Variants in CARMIL1 observed in about 807,000 individuals in gnomAD.
CARMIL1 encodes F-actin-uncapping protein LRRC16A.
CARMIL1 carries 90 observed loss-of-function variants against 177.1 expected under a neutral mutation model. The observed-to-expected ratio is 0.51, with a 90% CI of 0.43 to 0.61. The LOEUF is 0.61. Among genes scored for constraint, CARMIL1 ranks in the 20% least tolerant of loss-of-function variants. The pLI is 0.00. For synonymous variants in CARMIL1, 577 were observed against 606.2 expected, an observed-to-expected ratio of 0.95 and a Z score of 0.71; for missense variants, 1,380 against 1,667.0, an observed-to-expected ratio of 0.83 and a Z score of 3.00.
At chr6:25,294,025 G>C (rs1427693675) in intron 2 of CARMIL1, among the ~76,000 whole-genome samples, 1 of 152,176 alleles carries the variant, frequency 6.6e-6, no homozygotes, top group Non-Finnish European at 1.5e-5. Flanking sequence ...CCCAACCCAA[G>C]GTTTTTCTTT....
At chr6:25,569,069 G>T (rs1477659439) in intron 29 of CARMIL1, among the ~76,000 whole-genome samples, 1 of 152,174 alleles carries the variant, frequency 6.6e-6, no homozygotes, top group African/African-American at 2.4e-5. Flanking sequence ...AGCCACAAAA[G>T]ATTAAAAGCA....
At chr6:25,407,550 A>G (rs12173289) in intron 2 of CARMIL1, among the ~76,000 whole-genome samples, 22,226 of 152,124 alleles carry the variant, frequency 0.15, 2,051 homozygotes, top group East Asian at 0.22. Flanking sequence ...AGGGAAAGTC[A>G]TCTTCCCAGA....
At chr6:25,508,676 T>A (rs1805156994) in intron 17 of CARMIL1, among the ~76,000 whole-genome samples, 1 of 152,256 alleles carries the variant, frequency 6.6e-6, no homozygotes. Flanking sequence ...AATTTGTTGT[T>A]AAACTTTTTA....
intron 3 of CARMIL1, among the ~76,000 whole-genome samples, chr6:25,425,354 C>T (rs913410585): frequency 6.6e-6 from 1 of 152,142 alleles, no homozygotes; most frequent in Non-Finnish European, 1.5e-5. Context: ...TCCCTCCCCA[C>T]TATTAATAAT....
At chr6:25,334,959 C>T (rs1164630218) in intron 2 of CARMIL1, among the ~76,000 whole-genome samples, 3 of 152,204 alleles carry the variant, frequency 2.0e-5, no homozygotes, top group Non-Finnish European at 4.4e-5. Context: ...CCTCTTCTGT[C>T]ATTTCGTCTT....
intron 2 of CARMIL1, among the ~76,000 whole-genome samples, chr6:25,355,823 A>G (rs1458729002): frequency 2.0e-5 from 3 of 152,208 alleles, no homozygotes; most frequent in Non-Finnish European, 4.4e-5. Context: ...AACCATTTTT[A>G]ATTGTGCAGT....
chr6:25,471,311 G>A, intron 10 of CARMIL1, 54 bp downstream of exon 10: 1 of 1,279,104 alleles, frequency 7.8e-7, no homozygotes, highest in Non-Finnish European at 1.1e-6. Context: ...TGTGCCATTT[G>A]CTCTTCTAAT....
intron 2 of CARMIL1, among the ~76,000 whole-genome samples, chr6:25,325,000 C>T (rs1784959816): frequency 6.6e-6 from 1 of 152,068 alleles, no homozygotes; most frequent in Non-Finnish European, 1.5e-5. Flanking sequence ...AGGTCCTGAG[C>T]TTTCTCAGTG....
At chr6:25,590,381 A>G (rs1382795290) in intron 31 of CARMIL1, among the ~76,000 whole-genome samples, 4 of 152,188 alleles carry the variant, frequency 2.6e-5, no homozygotes, top group Non-Finnish European at 5.9e-5. Context: ...GGCTTTGCTA[A>G]TATTTTATGA....
At chr6:25,551,176 A>G in intron 27 of CARMIL1, 91 bp downstream of exon 27, 1 of 949,820 alleles carries the variant, frequency 1.1e-6, no homozygotes, top group Non-Finnish European at 1.6e-6. Flanking sequence ...GGCTGTATCC[A>G]TATATAATGT....
At chr6:25,609,637 C>G (rs1356440138) in intron 35 of CARMIL1, among the ~76,000 whole-genome samples, 1 of 152,206 alleles carries the variant, frequency 6.6e-6, no homozygotes, top group Non-Finnish European at 1.5e-5. Flanking sequence ...CATGCATACA[C>G]ATACACACAT....
chr6:25,470,513 A>T (rs189370007), intron 9 of CARMIL1, among the ~76,000 whole-genome samples: 1 of 152,372 alleles, frequency 6.6e-6, no homozygotes, highest in East Asian at 1.9e-4. Context: ...ATATGTATGC[A>T]TAGCACTACC....
chr6:25,281,136 G>GCGCGCGCACACACACACA (rs10642536), intron 1 of CARMIL1, among the ~76,000 whole-genome samples: 93 of 132,188 alleles, frequency 7.0e-4, no homozygotes, highest in African/African-American at 2.4e-3. Flanking sequence ...GTGCGCGCGC[G>GCGCGCGCACACACACACA]CACACACACA....
intron 11 of CARMIL1, among the ~76,000 whole-genome samples, chr6:25,473,659 G>C (rs980411610): frequency 4.6e-5 from 7 of 152,164 alleles, no homozygotes; most frequent in African/African-American, 1.7e-4. Flanking sequence ...AAATCCACAC[G>C]GAAGTGGACC....
chr6:25,609,635 C>T (rs1275235258), intron 35 of CARMIL1, among the ~76,000 whole-genome samples: 1 of 152,170 alleles, frequency 6.6e-6, no homozygotes, highest in Non-Finnish European at 1.5e-5. Context: ...TGCATGCATA[C>T]ACATACACAC....
At chr6:25,485,726 T>C (rs1424195613) in intron 12 of CARMIL1, among the ~76,000 whole-genome samples, 2 of 152,214 alleles carry the variant, frequency 1.3e-5, no homozygotes, top group African/African-American at 4.8e-5. Flanking sequence ...TGAGCCACCA[T>C]GCCTGGCCTG....
rs1814885319 is a variant in CARMIL1, at chr6:25,596,697, T to C, written c.3119+2170T>C. ...GATTCTTTTTTGAATATTTGTATTA[T>C]ACTTGCAGTTTTACATCCCTAATCT... On this transcript the variant is annotated intron_variant, in intron 32 of 36. Transcript: ENST00000329474. Among the ~76,000 whole-genome samples the C allele has an allele frequency of 2.6e-5, 4 of 152,244 alleles. No individual in the cohort carries two copies. The South Asian group carries it at 8.3e-4, about 31-fold the overall frequency.
chr6:25,357,372 G>A (rs1019105222), intron 2 of CARMIL1, among the ~76,000 whole-genome samples: 3 of 152,072 alleles, frequency 2.0e-5, no homozygotes, highest in African/African-American at 2.4e-5. Context: ...ACTTGAGGCC[G>A]GGAGTTCGAG....
intron 28 of CARMIL1, among the ~76,000 whole-genome samples, chr6:25,555,863 C>T (rs761181023): frequency 1.9e-4 from 29 of 151,976 alleles, no homozygotes; most frequent in Admixed American, 3.3e-4. Context: ...CACTTTTTTG[C>T]ATTTGTTTTT....
Sources: gnomAD v4.1 joint callset for allele counts (sites outside exome capture counted in the v4.1 genomes callset) on GRCh38, gnomAD v4.1.1 for gene constraint, MANE v1.5 for transcripts, NCBI Gene and HGNC (gene_info 2026-07-23, HGNC 2026-07-21) for gene names.